The following NFATC2 variants were observed in gnomAD, a reference collection of about 807,000 sequenced individuals.
NFATC2 encodes nuclear factor of activated T-cells, cytoplasmic 2.
In NFATC2, 22 loss-of-function variants were observed where a neutral mutation model predicts 87.3. That is an observed-to-expected ratio of 0.25 (90% CI 0.18 to 0.36). The LOEUF (loss-of-function observed/expected upper bound fraction) is 0.36, where lower values mean the gene tolerates loss of function less well. Ranked by LOEUF, NFATC2 falls within the 10% of genes least tolerant of loss-of-function variation. The probability of loss-of-function intolerance (pLI) is 1.00; values close to 1 mark genes in which losing one functional copy is unlikely to be tolerated. For missense variants in NFATC2, 1,149 were observed against 1,259.1 expected (o/e 0.91, Z 1.32); for synonymous variants, 565 against 542.2 (o/e 1.04, Z -0.58).
chr20:51,462,674 T>C (rs956236634), intron 5 of NFATC2, among the ~76,000 whole-genome samples: 3 of 152,328 alleles, frequency 2.0e-5, no homozygotes, highest in South Asian at 2.1e-4. Context: ...CTAACCTCAC[T>C]GGGCTGCCTG....
At chr20:51,505,788 C>A (rs1163865809) in intron 3 of NFATC2, among the ~76,000 whole-genome samples, 16 of 152,154 alleles carry the variant, frequency 1.1e-4, no homozygotes, top group Admixed American at 1.0e-3. Context: ...GCGCACAGAA[C>A]ACATAAGAAA....
At position 51,524,392 on chromosome 20, in the gene NFATC2, C is replaced by A. The variant is rs2076508842; in HGVS notation, c.131-282G>T. The stretch of plus-strand genomic sequence containing the variant: ...AAATGAAACCCTTCGGAGAAGTGCA[C>A]TTTATCTCACAACCCCATTCACGCC... On this transcript the variant is annotated intron_variant, in intron 1 of 10. Coordinates refer to ENST00000371564, the MANE Select transcript of NFATC2 (RefSeq NM_012340.5). This position sits in a 1 kb window ranked among gnomAD's most constrained non-coding sequence, Gnocchi z 4.0. 6.6e-6 allele frequency among the ~76,000 whole-genome samples: 1 copy of A among 152,166 alleles called. No homozygotes were observed. Among genetic ancestry groups the A allele is most frequent in the South Asian group, 2.1e-4 (1 of 4,816 alleles).
intron 2 of NFATC2, among the ~76,000 whole-genome samples, chr20:51,522,574 T>C (rs892689211): frequency 5.2e-5 from 2 of 38,262 alleles, no homozygotes; most frequent in Non-Finnish European, 1.2e-4. Context: ...CACATATTTC[T>C]TTTTTTTTTT....
At chr20:51,492,635 C>A (rs950699406) in intron 3 of NFATC2, among the ~76,000 whole-genome samples, 1 of 152,202 alleles carries the variant, frequency 6.6e-6, no homozygotes, top group African/African-American at 2.4e-5. Context: ...GGCTGGCACC[C>A]GCCCGGGCCC....
intron 9 of NFATC2, among the ~76,000 whole-genome samples, chr20:51,413,565 C>T (rs967889610): frequency 6.6e-6 from 1 of 152,028 alleles, no homozygotes; most frequent in Non-Finnish European, 1.5e-5. Flanking sequence ...CAAGACCAGC[C>T]CGGGCAACAT....
chr20:51,515,180 C>G (rs989926974), intron 3 of NFATC2, among the ~76,000 whole-genome samples: 2 of 152,196 alleles, frequency 1.3e-5, no homozygotes, highest in Admixed American at 1.3e-4. Context: ...ACCCTCAACT[C>G]TTTGGCCAAG....
chr20:51,451,900 G>A (rs1448733947), intron 6 of NFATC2, among the ~76,000 whole-genome samples: 8 of 152,186 alleles, frequency 5.3e-5, no homozygotes, highest in Admixed American at 5.2e-4. Flanking sequence ...ACATGATGGT[G>A]AGTTGTATAA....
At chr20:51,452,244 C>T (rs536638159) in intron 6 of NFATC2, among the ~76,000 whole-genome samples, 100 of 152,298 alleles carry the variant, frequency 6.6e-4, no homozygotes, top group Non-Finnish European at 1.8e-4. Flanking sequence ...GCTCTGTGAC[C>T]TTCATAGCAC....
intron 5 of NFATC2, among the ~76,000 whole-genome samples, chr20:51,470,678 T>G (rs1350144345): frequency 6.6e-6 from 1 of 152,232 alleles, no homozygotes; most frequent in Admixed American, 6.5e-5. Flanking sequence ...AAGGGTATAC[T>G]GTCATTAGTA....
chr20:51,483,774 A>G lies in NFATC2; in HGVS notation c.1333-8114T>C, dbSNP rs116322093. 3.6e-3 allele frequency among the ~76,000 whole-genome samples: 546 copies of G among 152,026 alleles called. 1 individual carries two copies. Among genetic ancestry groups the G allele is most frequent in the African/African-American group, 0.012 (512 of 41,428 alleles). ...TCTGCCTCCATCCCATATTAGATCC[A>G]TCTCAAAGCCCTGTCAATTCCATTC... On this transcript the variant is annotated intron_variant, in intron 3 of 10. Coordinates refer to ENST00000371564, the MANE Select transcript of NFATC2 (RefSeq NM_012340.5).
intron 9 of NFATC2, among the ~76,000 whole-genome samples, chr20:51,429,103 A>G (rs770597936): frequency 1.3e-5 from 2 of 152,252 alleles, no homozygotes; most frequent in Non-Finnish European, 2.9e-5. Context: ...TCATATCCCT[A>G]GAGCTGATGG....
chr20:51,525,838 T>C (rs2076535694), intron 1 of NFATC2, among the ~76,000 whole-genome samples: 1 of 151,924 alleles, frequency 6.6e-6, no homozygotes, highest in African/African-American at 2.4e-5. Context: ...AAAATGTCCA[T>C]TCTCAAAACC....
At chr20:51,492,613 G>A (rs755670996) in intron 3 of NFATC2, among the ~76,000 whole-genome samples, 1 of 152,196 alleles carries the variant, frequency 6.6e-6, no homozygotes, top group Non-Finnish European at 1.5e-5. Flanking sequence ...GGCCCTCTGC[G>A]CGGCTTCAAA....
chr20:51,411,486 T>C (rs1979226477), intron 9 of NFATC2, among the ~76,000 whole-genome samples: 1 of 149,154 alleles, frequency 6.7e-6, no homozygotes, highest in South Asian at 2.2e-4. Flanking sequence ...CTACAAACCA[T>C]AGTGCAAGGT....
At chr20:51,413,083 C>T (rs1979520585) in intron 9 of NFATC2, among the ~76,000 whole-genome samples, 1 of 150,932 alleles carries the variant, frequency 6.6e-6, no homozygotes, top group Admixed American at 6.6e-5. Flanking sequence ...CAATCCTTTC[C>T]ATGGCACTCG....
chr20:51,538,762 C>T (rs1393403828), intron 1 of NFATC2, among the ~76,000 whole-genome samples: 2 of 152,162 alleles, frequency 1.3e-5, no homozygotes, highest in Admixed American at 6.5e-5. Flanking sequence ...AATGGGTTAA[C>T]CTATTCAAGG....
At position 51,454,787 on chromosome 20, in the gene NFATC2, C is replaced by T. The variant is rs777009946; in HGVS notation, c.1709-99G>A. The stretch of plus-strand genomic sequence containing the variant: ...GTACTGAGATATGACATGCTCTGCC[C>T]ACCTGTGTCACCTGTTGTTATCTAA... On this transcript the variant is annotated intron_variant, in intron 5 of 10. Transcript: ENST00000371564. 2.4e-6 allele frequency: 3 copies of T among 1,261,192 alleles called. No individual in the cohort carries two copies. In the Admixed American group the frequency reaches 6.3e-5, roughly 27 times the overall value. 78.1% of individuals were successfully genotyped at this position (1,261,192 alleles called of 1,614,324 possible).
rs1206027444 is a variant in NFATC2, at chr20:51,542,717, G to T, written c.-218C>A. Reference sequence around the variant, plus strand: ...GCGGCGACGGCGGCGCGAGCTTCCTGCTCCGGAGGCACCTGTTGCAGCCCG... The same window carrying T: ...GCGGCGACGGCGGCGCGAGCTTCCTTCTCCGGAGGCACCTGTTGCAGCCCG... On this transcript the variant is annotated 5_prime_UTR_variant, in exon 1 of 11. Coordinates refer to ENST00000371564, the MANE Select transcript of NFATC2 (RefSeq NM_012340.5). 2 of 1,013,982 alleles carry T rather than the reference G, an allele frequency of 2.0e-6. No homozygotes were observed. The highest frequency in any genetic ancestry group is 2.4e-6 in the Non-Finnish European group (2 of 850,586). The allele number at this position is 1,013,982 out of a possible 1,614,324, so 62.8% of individuals were successfully genotyped here.
chr20:51,537,993 G>A (rs1217286207), intron 1 of NFATC2, among the ~76,000 whole-genome samples: 1 of 152,176 alleles, frequency 6.6e-6, no homozygotes, highest in African/African-American at 2.4e-5. Context: ...TATAGAGAAA[G>A]CCATCAAGAA....
Sources: gnomAD v4.1 joint callset for allele counts (sites outside exome capture counted in the v4.1 genomes callset) on GRCh38, gnomAD v4.1.1 for gene constraint, Gnocchi (gnomAD v3.1) non-coding constraint, MANE v1.5 for transcripts, NCBI Gene and HGNC (gene_info 2026-07-23, HGNC 2026-07-21) for gene names.